ALMS1: variants seen among roughly 807,000 people sequenced by gnomAD.
ALMS1 encodes the protein ALMS1 centrosome and basal body associated protein.
In ALMS1, 271 loss-of-function variants were observed where a neutral mutation model predicts 352.2. The ratio of observed to expected loss-of-function variants is 0.77; its 90% CI spans 0.70 to 0.85. ALMS1 has a LOEUF of 0.85. Ranked by LOEUF, ALMS1 falls within the 40% of genes least tolerant of loss-of-function variation. ALMS1 has a pLI of 0.00. For synonymous variants in ALMS1, 1,865 were observed against 1,761.2 expected, an observed-to-expected ratio of 1.06 and a Z score of -1.48; for missense variants, 5,445 against 4,870.7, an observed-to-expected ratio of 1.12 and a Z score of -3.51.
intron 10 of ALMS1, among the ~76,000 whole-genome samples, chr2:73,509,480 C>A (rs144265178): frequency 0.015 from 2,329 of 152,236 alleles, 78 homozygotes; most frequent in African/African-American, 0.052. Context: ...TCAGCATTTA[C>A]CTGTCTGTAA....
intron 9 of ALMS1, among the ~76,000 whole-genome samples, chr2:73,474,173 A>G (rs910302046): frequency 1.3e-5 from 2 of 152,080 alleles, no homozygotes; most frequent in African/African-American, 2.4e-5. Context: ...GAAGTCATAA[A>G]ATACAAAACT....
intron 7 of ALMS1, among the ~76,000 whole-genome samples, chr2:73,441,425 GT>G (rs1454414296): frequency 2.0e-5 from 3 of 152,130 alleles, no homozygotes; most frequent in Non-Finnish European, 1.5e-5. Context: ...TCTCTGCCTG[GT>G]TTTTGCTGGC....
chr2:73,576,781 C>T (rs1454982082), intron 16 of ALMS1, among the ~76,000 whole-genome samples: 1 of 151,852 alleles, frequency 6.6e-6, no homozygotes, highest in African/African-American at 2.4e-5. Flanking sequence ...ACACCATGCC[C>T]AGCTATTTTT....
intron 10 of ALMS1, 41 bp downstream of exon 10, chr2:73,491,539 G>A: frequency 6.3e-7 from 1 of 1,599,044 alleles, no homozygotes; most frequent in Non-Finnish European, 8.6e-7. Context: ...GATGGACTTT[G>A]TAATAAAGGG....
Position 73,602,185 on chromosome 2 carries a change from G to A in ALMS1, c.12115G>A (p.Glu4039Lys). 1 of 1,613,414 alleles carries A rather than the reference G, an allele frequency of 6.2e-7. No homozygotes were observed. Among genetic ancestry groups the A allele is most frequent in the African/African-American group, 1.3e-5 (1 of 74,904 alleles). ...ATTTTCTCTTTTTTTTTTCTTTTAG[G>A]AATCGCTTCAGTTTCACAGACCTGA... ...LRPFVRATLQ[E>K]SLQFHRPDFI... The change falls in exon 20 of 23, where the codon GAA becomes AAA. Residue 4039 changes from glutamate (E) to lysine (K), a missense_variant and splice_region_variant. Coordinates refer to ENST00000613296, the MANE Select transcript of ALMS1 (RefSeq NM_001378454.1).
At chr2:73,598,577 C>G (rs1318203818) in intron 16 of ALMS1, among the ~76,000 whole-genome samples, 2 of 152,100 alleles carry the variant, frequency 1.3e-5, no homozygotes, top group Non-Finnish European at 2.9e-5. Flanking sequence ...GCTCAGTTTC[C>G]TATCCTTACC....
chr2:73,453,771 C>T lies in ALMS1; in HGVS notation c.7244C>T (p.Ser2415Leu). The T allele has an allele frequency of 6.2e-7, 1 of 1,614,058 alleles. No individual in the cohort carries two copies. Among genetic ancestry groups the T allele is most frequent in the African/African-American group, 1.3e-5 (1 of 75,000 alleles). The change falls in exon 8 of 23, where the codon TCA (serine) becomes TTA (leucine). Residue 2415 changes from serine to leucine, a missense_variant. Transcript: ENST00000613296. ...ATGATGACTGTCATAAAAAGTGATT[C>T]AAGTAGTGATGCCAGTGATGGAAAT... ...IPMMTVIKSD[S>L]SSDASDGNGS...
chr2:73,385,969 C>T lies in ALMS1; in HGVS notation c.101C>T (p.Ala34Val). 2 of 1,515,094 alleles carry T rather than the reference C, an allele frequency of 1.3e-6. No homozygotes were observed. Among genetic ancestry groups the T allele is most frequent in the South Asian group, 1.2e-5 (1 of 82,366 alleles). The allele number at this position is 1,515,094 out of a possible 1,614,324, so 93.9% of individuals were successfully genotyped here. A position where few individuals can be genotyped will look rare whatever the true frequency, so the allele number is the denominator to read the frequency against. The change falls in exon 1 of 23, where the codon GCG (alanine) becomes GTG (valine). Residue 34 changes from alanine (A) to valine (V), a missense_variant. Physicochemically the swap from Ala to Val is moderately conservative, Grantham distance 64 (BLOSUM62 0). Coordinates refer to ENST00000613296, the MANE Select transcript of ALMS1 (RefSeq NM_001378454.1). ...EEEEEAAAAA[A>V]ANVDDVVVVE... ...GAGGAGGAGGCTGCAGCGGCGGCGG[C>T]GGCGAACGTGGACGACGTAGTGGTC...
At chr2:73,591,406 A>C (rs1019951249) in intron 16 of ALMS1, among the ~76,000 whole-genome samples, 13 of 152,190 alleles carry the variant, frequency 8.5e-5, no homozygotes, top group Admixed American at 8.5e-4. Context: ...AATGTCAATA[A>C]ATTAATTTAT....
At chr2:73,503,998 T>A (rs146238440) in intron 10 of ALMS1, among the ~76,000 whole-genome samples, 1 of 152,208 alleles carries the variant, frequency 6.6e-6, no homozygotes, top group African/African-American at 2.4e-5. Flanking sequence ...CTGTACAGAA[T>A]CTTCCTTATT....
At chr2:73,586,805 G>A (rs1376688226) in intron 16 of ALMS1, among the ~76,000 whole-genome samples, 1 of 152,066 alleles carries the variant, frequency 6.6e-6, no homozygotes, top group Admixed American at 6.5e-5. Context: ...GTATTTTGAT[G>A]GAAATTGCAT....
At chr2:73,577,253 G>A (rs1053964462) in intron 16 of ALMS1, among the ~76,000 whole-genome samples, 1 of 152,126 alleles carries the variant, frequency 6.6e-6, no homozygotes, top group Admixed American at 6.6e-5. Context: ...AATGTTGGTA[G>A]AATTCACCAG....
intron 14 of ALMS1, 130 bp downstream of exon 14, chr2:73,557,484 G>A (rs1170184794): frequency 3.4e-6 from 4 of 1,182,948 alleles, no homozygotes; most frequent in African/African-American, 1.5e-5. Context: ...TCTATCTCAT[G>A]TATATATGAA....
rs761518223 is a variant in ALMS1, at chr2:73,453,935, G to A, written c.7408G>A (p.Asp2470Asn). 2 of 1,614,054 alleles carry A rather than the reference G, an allele frequency of 1.2e-6. No homozygotes were observed. Among genetic ancestry groups the A allele is most frequent in the Admixed American group, 1.7e-5 (1 of 59,994 alleles). The change falls in exon 8 of 23, where the codon GAT becomes AAT. Residue 2470 changes from aspartate to asparagine, a missense_variant. Physicochemically the swap from Asp to Asn is conservative, Grantham distance 23 (BLOSUM62 1). Transcript: ENST00000613296. ...GGAAGAGGGTGTGTCAGAGAGTGAG[G>A]ATGGTGGTGGTAGCAGTGTAGATTC... The part of the protein sequence containing the change: ...REEEGVSESE[D>N]GGGSSVDSLA...
intron 15 of ALMS1, among the ~76,000 whole-genome samples, chr2:73,566,136 C>T (rs914847699): frequency 3.3e-5 from 5 of 152,010 alleles, no homozygotes; most frequent in African/African-American, 1.2e-4. Flanking sequence ...TTCTGTAAAT[C>T]CAAATTATTC....
intron 12 of ALMS1, among the ~76,000 whole-genome samples, chr2:73,535,221 A>C (rs1347665687): frequency 6.6e-6 from 1 of 152,204 alleles, no homozygotes; most frequent in Non-Finnish European, 1.5e-5. Flanking sequence ...TTCTTGGTTC[A>C]CAGTACCCTT....
chr2:73,476,033 AAAC>A (rs1468743581), intron 9 of ALMS1, among the ~76,000 whole-genome samples: 2 of 152,096 alleles, frequency 1.3e-5, no homozygotes, highest in African/African-American at 4.8e-5. Context: ...TATATCCATT[AAAC>A]AACAACTCCC....
chr2:73,424,606 C>T lies in ALMS1; in HGVS notation c.941C>T (p.Pro314Leu), dbSNP rs760635159. 6.2e-7 allele frequency: 1 copy of T among 1,613,932 alleles called. No individual in the cohort carries two copies. The change falls in exon 5 of 23, where the codon CCT becomes CTT. Residue 314 changes from proline to leucine, a missense_variant. Transcript: ENST00000613296. ...TAVGSQCPFL[P>L]SEQGNNEETI... ...GTTGGGTCTCAGTGCCCTTTTTTAC[C>T]TTCTGAACAAGGGAATAATGAAGAG...
intron 21 of ALMS1, among the ~76,000 whole-genome samples, chr2:73,604,744 C>T (rs1385148485): frequency 2.0e-5 from 3 of 152,116 alleles, no homozygotes; most frequent in African/African-American, 7.2e-5. Context: ...TTTGCAAGCT[C>T]AAAACTAATT....
Sources: allele counts gnomAD v4.1 joint callset (sites outside exome capture counted in the v4.1 genomes callset), GRCh38; gene constraint gnomAD v4.1.1; transcripts MANE v1.5; gene names NCBI Gene and HGNC (gene_info 2026-07-23, HGNC 2026-07-21).